Variants in SLC3A1 observed in about 807,000 individuals in gnomAD.
SLC3A1 encodes the protein solute carrier family 3 member 1.
In SLC3A1, 78 loss-of-function variants were observed where a neutral mutation model predicts 60.3. The observed-to-expected ratio is 1.29, with a 90% CI of 1.08 to 1.56. The LOEUF (loss-of-function observed/expected upper bound fraction) is 1.56. Among genes scored for constraint, SLC3A1 ranks in the 40% most tolerant of loss-of-function variants. The probability of loss-of-function intolerance (pLI) is 0.00; values close to 1 mark genes in which losing one functional copy is unlikely to be tolerated. For missense variants in SLC3A1, 1,172 were observed against 858.9 expected (o/e 1.36, Z -4.56); for synonymous variants, 392 against 307.9 (o/e 1.27, Z -2.86).
At chr2:44,284,761 T>A (rs1367511660) in intron 3 of SLC3A1, among the ~76,000 whole-genome samples, 1 of 152,064 alleles carries the variant, frequency 6.6e-6, no homozygotes, top group African/African-American at 2.4e-5. Flanking sequence ...ATATGGGCTC[T>A]CACTATGTTG....
intron 6 of SLC3A1, among the ~76,000 whole-genome samples, chr2:44,302,289 C>A (rs116182863): frequency 1.3e-5 from 2 of 151,972 alleles, no homozygotes; most frequent in African/African-American, 4.8e-5. Context: ...ATAGCAATAA[C>A]CTCTATAAGG....
chr2:44,286,309 A>C, intron 4 of SLC3A1, 152 bp downstream of exon 4: 3 of 765,080 alleles, frequency 3.9e-6, no homozygotes, highest in East Asian at 2.7e-5. Context: ...TATATTGCAC[A>C]ATAATTGTGT....
chr2:44,307,221 CA>C (rs1434824671), intron 7 of SLC3A1, among the ~76,000 whole-genome samples: 1 of 152,130 alleles, frequency 6.6e-6, no homozygotes, highest in Non-Finnish European at 1.5e-5. Context: ...CCATAAAGCC[CA>C]TTTTGTTTAT....
Position 44,299,965 on chromosome 2 carries a change from C to A in SLC3A1, c.892-6C>A, listed in dbSNP as rs114640930. The A allele has an allele frequency of 6.2e-7, 1 of 1,613,976 alleles. No individual in the cohort carries two copies. The highest frequency in any genetic ancestry group is 8.5e-7 in the Non-Finnish European group (1 of 1,179,922). ...GTAACCAAGCATTTTGCTTCTTCAT[C>A]TTTAGGAAATTTTACGGTTCTGGCT... On this transcript the variant is annotated splice_region_variant and splice_polypyrimidine_tract_variant and intron_variant, in intron 4 of 9. Transcript: ENST00000260649.
At chr2:44,293,568 T>C (rs1671783838) in intron 4 of SLC3A1, among the ~76,000 whole-genome samples, 1 of 151,716 alleles carries the variant, frequency 6.6e-6, no homozygotes, top group South Asian at 2.1e-4. Context: ...AAAAGTCTAG[T>C]CTAGAGATAA....
chr2:44,319,643 TCTAA>T (rs1163632800), intron 9 of SLC3A1: 1 of 153,134 alleles, frequency 6.5e-6, no homozygotes, highest in Non-Finnish European at 1.5e-5. Flanking sequence ...GTCTACAATT[TCTAA>T]CTTTCACCTT....
intron 4 of SLC3A1, among the ~76,000 whole-genome samples, chr2:44,292,264 CCGTT>C (rs1296262594): frequency 6.6e-6 from 1 of 152,118 alleles, no homozygotes; most frequent in Non-Finnish European, 1.5e-5. Context: ...GGCGTAGGCT[CCGTT>C]CTGTCCCTAC....
At chr2:44,321,899 G>C (rs754574708), downstream of SLC3A1, 1 of 1,612,256 alleles carries the variant, frequency 6.2e-7, no homozygotes, top group Non-Finnish European at 8.5e-7. Flanking sequence ...GGGTCTGATA[G>C]CCTGGAAGAG....
intron 3 of SLC3A1, among the ~76,000 whole-genome samples, chr2:44,284,071 A>G (rs1266026538): frequency 6.6e-6 from 1 of 152,044 alleles, no homozygotes; most frequent in East Asian, 1.9e-4. Context: ...CTTGGGGTAC[A>G]TGTGCAAGGG....
At chr2:44,278,968 TA>T (rs1436256739) in intron 1 of SLC3A1, among the ~76,000 whole-genome samples, 1 of 152,022 alleles carries the variant, frequency 6.6e-6, no homozygotes, top group Non-Finnish European at 1.5e-5. Context: ...CTTTTTAAAT[TA>T]ATTGATGCAT....
rs371661697 is a variant in SLC3A1 at position 44,321,342 on chromosome 2, T to G, written c.*703T>G. On this transcript the variant is annotated 3_prime_UTR_variant, in exon 10 of 10. Coordinates refer to ENST00000260649, the MANE Select transcript of SLC3A1 (RefSeq NM_000341.4). ...ATTTCAGTGTGTTTCCAATTCCCAGTTGAATGCAGTGTTTCAGAATTTCAG... is the reference window on the plus strand; with the variant it reads ...ATTTCAGTGTGTTTCCAATTCCCAGGTGAATGCAGTGTTTCAGAATTTCAG... 12 of 1,580,064 alleles carry G rather than the reference T, an allele frequency of 7.6e-6. No homozygotes were observed. The highest frequency in any genetic ancestry group is 1.0e-5 in the Non-Finnish European group (12 of 1,150,344).
chr2:44,277,103 C>CTT (rs1222833364), intron 1 of SLC3A1, among the ~76,000 whole-genome samples: 99 of 94,818 alleles, frequency 1.0e-3, no homozygotes, highest in East Asian at 2.9e-3. Flanking sequence ...TCTCTCTCTT[C>CTT]TTTTTTTTTT....
intron 4 of SLC3A1, among the ~76,000 whole-genome samples, chr2:44,293,034 T>G (rs1436585195): frequency 1.3e-5 from 2 of 151,856 alleles, no homozygotes; most frequent in African/African-American, 2.4e-5. Flanking sequence ...GATGGAGGCA[T>G]AGAGGTGCAG....
chr2:44,304,179 C>G lies in SLC3A1; in HGVS notation c.1173C>G (p.Asp391Glu), dbSNP rs1672091913. The change falls in exon 7 of 10, where the codon GAC becomes GAG. Residue 391 changes from aspartate (D) to glutamate (E), a missense_variant. Asp to Glu is a conservative substitution (Grantham distance 45, BLOSUM62 2). Coordinates refer to ENST00000260649, the MANE Select transcript of SLC3A1 (RefSeq NM_000341.4). Reference protein sequence around the residue: ...MGTEAYAESIDRTVMYYGLPF... With the variant: ...MGTEAYAESIERTVMYYGLPF... ...CTGAAGCCTATGCAGAGAGTATTGA[C>G]AGGACCGTGATGTACTATGGATTGC... The G allele has an allele frequency of 1.2e-6, 2 of 1,614,008 alleles. No homozygotes were observed. Among genetic ancestry groups the G allele is most frequent in the Admixed American group, 1.7e-5 (1 of 59,998 alleles).
At chr2:44,321,856 T>G (rs770897811), downstream of SLC3A1, 3 of 1,613,764 alleles carry the variant, frequency 1.9e-6, no homozygotes, top group East Asian at 6.7e-5. Context: ...ATTACATGAT[T>G]GCCTCCAGGC....
chr2:44,319,418 A>G (rs1672731036), intron 9 of SLC3A1: 1 of 152,594 alleles, frequency 6.6e-6, no homozygotes, highest in African/African-American at 2.4e-5. Context: ...ACAAAATATT[A>G]GAAACACTAT....
intron 3 of SLC3A1, among the ~76,000 whole-genome samples, chr2:44,283,572 T>A (rs1183079101): frequency 1.3e-5 from 2 of 152,190 alleles, no homozygotes; most frequent in South Asian, 2.1e-4. Context: ...AGCTCCATAG[T>A]CTGCTTTTAA....
intron 9 of SLC3A1, chr2:44,319,047 A>G (rs1189436527): frequency 6.6e-6 from 1 of 152,386 alleles, no homozygotes; most frequent in Non-Finnish European, 1.5e-5. Flanking sequence ...ATGTGCTTTC[A>G]TGCATTACCT....
intron 4 of SLC3A1, among the ~76,000 whole-genome samples, chr2:44,290,389 T>G (rs1416251139): frequency 2.0e-5 from 3 of 152,204 alleles, no homozygotes; most frequent in Non-Finnish European, 4.4e-5. Context: ...TTGTTCTTTT[T>G]CAGTATTGTT....
Sources: gnomAD v4.1 joint callset for allele counts (sites outside exome capture counted in the v4.1 genomes callset) on GRCh38, gnomAD v4.1.1 for gene constraint, MANE v1.5 for transcripts, NCBI Gene and HGNC (gene_info 2026-07-23, HGNC 2026-07-21) for gene names.